Variants in MACROD2 observed in about 807,000 individuals in gnomAD.
MACROD2 encodes mono-ADP ribosylhydrolase 2, also known as ADP-ribose glycohydrolase MACROD2.
In MACROD2, 36 loss-of-function variants were observed where a neutral mutation model predicts 70.4. The ratio of observed to expected loss-of-function variants is 0.51; its 90% CI spans 0.39 to 0.68. The LOEUF is 0.68. Ranked by LOEUF, MACROD2 falls within the 30% of genes least tolerant of loss-of-function variation. MACROD2 has a pLI of 0.00. For synonymous variants in MACROD2, 172 were observed against 178.8 expected (o/e 0.96, Z 0.30); for missense variants, 496 against 538.4 (o/e 0.92, Z 0.78).
At chr20:15,091,745 T>C (rs1198990287) in intron 5 of MACROD2, among the ~76,000 whole-genome samples, 1 of 152,158 alleles carries the variant, frequency 6.6e-6, no homozygotes, top group Non-Finnish European at 1.5e-5. Context: ...ACAATATGCA[T>C]TTTTTAATCT....
chr20:15,886,933 T>C (rs2064829580), intron 10 of MACROD2, among the ~76,000 whole-genome samples: 1 of 152,138 alleles, frequency 6.6e-6, no homozygotes, highest in African/African-American at 2.4e-5. Context: ...CTAACAGATA[T>C]TAGAAGGATA....
At chr20:14,965,434 C>T (rs2074624397) in intron 5 of MACROD2, among the ~76,000 whole-genome samples, 1 of 144,200 alleles carries the variant, frequency 6.9e-6, no homozygotes, top group African/African-American at 2.6e-5. Flanking sequence ...CTAGGGACGG[C>T]TAAAAGTTAT....
At chr20:14,049,987 G>A (rs1186142010) in intron 2 of MACROD2, among the ~76,000 whole-genome samples, 2 of 151,662 alleles carry the variant, frequency 1.3e-5, no homozygotes, top group African/African-American at 2.4e-5. Context: ...AGGAGGCAGA[G>A]GCAGGAGAAT....
chr20:14,642,671 G>T (rs946896409), intron 4 of MACROD2, among the ~76,000 whole-genome samples: 2 of 152,126 alleles, frequency 1.3e-5, no homozygotes, highest in Non-Finnish European at 2.9e-5. Context: ...GCAATTGCTG[G>T]TTGGTGGAGC....
At chr20:15,303,943 C>G (rs1245824665) in intron 6 of MACROD2, among the ~76,000 whole-genome samples, 1 of 152,166 alleles carries the variant, frequency 6.6e-6, no homozygotes, top group Non-Finnish European at 1.5e-5. Context: ...TAGAATGAAT[C>G]AAGTATTCTA....
At chr20:15,494,736 G>GGTGTGTGTGT (rs550716316) in intron 7 of MACROD2, among the ~76,000 whole-genome samples, 60 of 110,214 alleles carry the variant, frequency 5.4e-4, no homozygotes, top group Admixed American at 1.6e-3. Context: ...TGCATAATGG[G>GGTGTGTGTGT]GTGTGTGTGT....
At chr20:14,207,903 G>A (rs994887945) in intron 3 of MACROD2, among the ~76,000 whole-genome samples, 7 of 152,204 alleles carry the variant, frequency 4.6e-5, no homozygotes, top group Admixed American at 2.0e-4. Context: ...CCTGGAGGAA[G>A]GAATTTTCAA....
At chr20:14,188,527 A>T (rs768937388) in intron 3 of MACROD2, among the ~76,000 whole-genome samples, 2 of 152,178 alleles carry the variant, frequency 1.3e-5, no homozygotes, top group Non-Finnish European at 2.9e-5. Context: ...TTAGCACTTA[A>T]TTCCATGCTT....
At chr20:15,131,558 G>A (rs1029001839) in intron 5 of MACROD2, among the ~76,000 whole-genome samples, 4 of 152,004 alleles carry the variant, frequency 2.6e-5, no homozygotes, top group African/African-American at 9.7e-5. Context: ...GAAATTAAAC[G>A]ATCATGAGAT....
At chr20:14,079,268 A>T (rs983856100) in intron 2 of MACROD2, among the ~76,000 whole-genome samples, 1 of 152,212 alleles carries the variant, frequency 6.6e-6, no homozygotes, top group Admixed American at 6.5e-5. Context: ...TTCTAATGGC[A>T]TTGCTTAGAT....
intron 5 of MACROD2, among the ~76,000 whole-genome samples, chr20:15,066,497 G>T (rs1220499028): frequency 6.6e-6 from 1 of 151,990 alleles, no homozygotes; most frequent in African/African-American, 2.4e-5. Context: ...GCCTACATTC[G>T]TTCGCCAAAT....
chr20:14,460,138 G>T (rs2123012935), intron 3 of MACROD2, among the ~76,000 whole-genome samples: 1 of 152,194 alleles, frequency 6.6e-6, no homozygotes, highest in Non-Finnish European at 1.5e-5. Context: ...ATGGGCATTT[G>T]TGTTGGTTCC....
intron 5 of MACROD2, among the ~76,000 whole-genome samples, chr20:15,013,627 T>A (rs1184123183): frequency 6.6e-6 from 1 of 152,078 alleles, no homozygotes; most frequent in Non-Finnish European, 1.5e-5. Flanking sequence ...CTCTGGAAGG[T>A]CAACCCATCT....
chr20:15,965,068 T>C lies in MACROD2; in HGVS notation c.908-2485T>C, dbSNP rs1031133652. Among the ~76,000 whole-genome samples the C allele has an allele frequency of 3.3e-5, 5 of 152,354 alleles. No individual in the cohort carries two copies. The East Asian group carries it at 9.6e-4, about 29-fold the overall frequency. On this transcript the variant is annotated intron_variant, in intron 12 of 17. Coordinates refer to ENST00000684519, the MANE Select transcript of MACROD2 (RefSeq NM_001351661.2). ...TGTTTCTAAGATGCACATTCTTTCATATATTTTATTTCTAAAGTCAGGACA... is the reference window on the plus strand; with the variant it reads ...TGTTTCTAAGATGCACATTCTTTCACATATTTTATTTCTAAAGTCAGGACA...
At chr20:14,394,363 T>G (rs2083559889) in intron 3 of MACROD2, among the ~76,000 whole-genome samples, 1 of 152,196 alleles carries the variant, frequency 6.6e-6, no homozygotes, top group Non-Finnish European at 1.5e-5. Flanking sequence ...TTACATATTT[T>G]TGATGCTATG....
Position 15,476,580 on chromosome 20 carries a change from G to A in MACROD2, c.572-23194G>A, listed in dbSNP as rs942010165. ...CTATATTGTTGTTTTGCCCCCCCCCGGTAAGTCTGTCAACTGAGCACAGTG... is the reference window on the plus strand; with the variant it reads ...CTATATTGTTGTTTTGCCCCCCCCCAGTAAGTCTGTCAACTGAGCACAGTG... On this transcript the variant is annotated intron_variant, in intron 7 of 17. Coordinates refer to ENST00000684519, the MANE Select transcript of MACROD2 (RefSeq NM_001351661.2). Among the ~76,000 whole-genome samples the A allele has an allele frequency of 7.9e-4, 112 of 141,648 alleles. 1 individual carries two copies. Among genetic ancestry groups the A allele is most frequent in the African/African-American group, 2.8e-3 (104 of 36,928 alleles). The allele number at this position is 141,648 out of a possible 152,430, so 92.9% of individuals were successfully genotyped here. A position where few individuals can be genotyped will look rare whatever the true frequency, so the allele number is the denominator to read the frequency against.
chr20:14,588,764 G>A (rs1981556158), intron 4 of MACROD2, among the ~76,000 whole-genome samples: 1 of 152,082 alleles, frequency 6.6e-6, no homozygotes, highest in Non-Finnish European at 1.5e-5. Flanking sequence ...TCCTGGCCAA[G>A]GCTATATATT....
chr20:14,858,577 C>T (rs990734825), intron 5 of MACROD2, among the ~76,000 whole-genome samples: 3 of 152,070 alleles, frequency 2.0e-5, no homozygotes, highest in African/African-American at 7.2e-5. Context: ...AATAAATTAT[C>T]CTTTAACATC....
chr20:14,123,686 T>C (rs546494594), intron 3 of MACROD2, among the ~76,000 whole-genome samples: 89 of 152,298 alleles, frequency 5.8e-4, no homozygotes, highest in African/African-American at 2.0e-3. Context: ...AGGTAGCATT[T>C]CTGGCCCTTG....
Sources: allele counts gnomAD v4.1 joint callset (sites outside exome capture counted in the v4.1 genomes callset), GRCh38; gene constraint gnomAD v4.1.1; transcripts MANE v1.5; gene names NCBI Gene and HGNC (gene_info 2026-07-23, HGNC 2026-07-21).